ANO4: variants seen among roughly 807,000 people sequenced by gnomAD.
The protein encoded by ANO4 is anoctamin-4.
A neutral mutation model predicts 141.9 loss-of-function variants in ANO4; 69 were observed. That is an observed-to-expected ratio of 0.49 (90% CI 0.40 to 0.59). ANO4 has a LOEUF of 0.59. ANO4 is among the 20% of genes least tolerant of loss of function. The pLI is 0.00. For missense variants in ANO4, 894 were observed against 1,162.2 expected, an observed-to-expected ratio of 0.77 and a Z score of 3.36; for synonymous variants, 350 against 394.3, an observed-to-expected ratio of 0.89 and a Z score of 1.33.
rs991941060 is a variant in ANO4 at position 100,971,478 on chromosome 12, A to G, written c.557+72A>G. 6.3e-6 allele frequency: 7 copies of G among 1,116,006 alleles called. No individual in the cohort carries two copies. The Admixed American group carries it at 1.0e-4, about 16-fold the overall frequency. The allele number at this position is 1,116,006 out of a possible 1,614,324, so 69.1% of individuals were successfully genotyped here. On this transcript the variant is annotated intron_variant, in intron 6 of 27. Transcript: ENST00000392977. ...AAATCTAATGTTCTCCTCTCTCAGA[A>G]CAAATAAAACTGAAATGCAGATTGG...
At position 101,120,753 on chromosome 12, in the gene ANO4, T is replaced by C. The variant is rs2051053721; in HGVS notation, c.2676+128T>C. 1.0e-5 allele frequency: 7 copies of C among 683,732 alleles called. No homozygotes were observed. In the African/African-American group the frequency reaches 1.1e-4, roughly 11 times the overall value. The allele number at this position is 683,732 out of a possible 1,614,324, so 42.4% of individuals were successfully genotyped here. On this transcript the variant is annotated intron_variant, in intron 26 of 27. Transcript: ENST00000392977. ...ATTTCCAGAAGTAGTAGTGTCATAT[T>C]ATGTAACCTCTTTTTGATCTTTTTT...
At chr12:100,787,217 T>G (rs553028752) in intron 3 of ANO4, among the ~76,000 whole-genome samples, 75 of 132,216 alleles carry the variant, frequency 5.7e-4, no homozygotes, top group African/African-American at 1.8e-3. Flanking sequence ...ATTGGGGACA[T>G]GCAGATGGAC....
intron 5 of ANO4, among the ~76,000 whole-genome samples, chr12:100,967,936 T>C (rs1250467230): frequency 6.6e-6 from 1 of 152,200 alleles, no homozygotes; most frequent in Non-Finnish European, 1.5e-5. Flanking sequence ...GAATCAGCTC[T>C]GTCTGGGGTA....
chr12:100,882,197 T>G (rs2039604644), intron 1 of ANO4, among the ~76,000 whole-genome samples: 1 of 152,234 alleles, frequency 6.6e-6, no homozygotes, highest in South Asian at 2.1e-4. Context: ...ATGTTACTAT[T>G]AATCTCATAA....
chr12:101,011,510 A>G lies in ANO4; in HGVS notation c.735-8524A>G, dbSNP rs186266295. On this transcript the variant is annotated intron_variant, in intron 8 of 27. Coordinates refer to ENST00000392977, the MANE Select transcript of ANO4 (RefSeq NM_001286615.2). ...GAGTTGAGGATGAAAACCCTTGGCT[A>G]CAACTCCTCAGGTGTACACTCTTTG... Among the ~76,000 whole-genome samples, 200 of 152,194 alleles carry G rather than the reference A, an allele frequency of 1.3e-3. 1 individual carries two copies. The highest frequency in any genetic ancestry group is 4.4e-3 in the African/African-American group (181 of 41,522).
At chr12:100,944,428 A>G (rs76123729) in intron 5 of ANO4, among the ~76,000 whole-genome samples, 2,032 of 152,328 alleles carry the variant, frequency 0.013, 50 homozygotes, top group African/African-American at 0.047. Context: ...AAAAATAGCA[A>G]TTGGAAAAAG....
chr12:100,986,810 A>G (rs988869473), intron 7 of ANO4, among the ~76,000 whole-genome samples: 5 of 152,152 alleles, frequency 3.3e-5, no homozygotes, highest in Non-Finnish European at 7.4e-5. Flanking sequence ...AGATGTTTTC[A>G]TCAGCAGAAG....
At chr12:101,051,587 G>T (rs940855627) in intron 14 of ANO4, among the ~76,000 whole-genome samples, 4 of 152,176 alleles carry the variant, frequency 2.6e-5, no homozygotes, top group Non-Finnish European at 5.9e-5. Context: ...TATATTAATA[G>T]CATTCATTTC....
At chr12:100,875,471 G>A (rs544923603) in intron 1 of ANO4, among the ~76,000 whole-genome samples, 2 of 152,234 alleles carry the variant, frequency 1.3e-5, no homozygotes, top group African/African-American at 4.8e-5. Context: ...AGGAAAAGAA[G>A]GAACTGGGTT....
chr12:100,924,511 T>G (rs558710728), intron 3 of ANO4, among the ~76,000 whole-genome samples: 3 of 152,254 alleles, frequency 2.0e-5, no homozygotes, highest in Admixed American at 1.3e-4. Context: ...TTAGGCTACT[T>G]TTAAAAGAAA....
In ANO4 at chr12:101,118,192, T is replaced by G. The variant is rs150890286; in HGVS notation, c.2570+1394T>G. Among the ~76,000 whole-genome samples, 279 of 152,318 alleles carry G rather than the reference T, an allele frequency of 1.8e-3. 3 individuals carry two copies. Among genetic ancestry groups the G allele is most frequent in the African/African-American group, 6.1e-3 (254 of 41,570 alleles). ...TTAGACATATACAGGATCCTAAGTA[T>G]GAAATGCTTCAAAATAAAATGCCAA... On this transcript the variant is annotated intron_variant, in intron 25 of 27. Coordinates refer to ENST00000392977, the MANE Select transcript of ANO4 (RefSeq NM_001286615.2).
chr12:101,001,498 A>G (rs543212228), intron 8 of ANO4, among the ~76,000 whole-genome samples: 1 of 152,316 alleles, frequency 6.6e-6, no homozygotes, highest in Non-Finnish European at 1.5e-5. Flanking sequence ...AAACTCAGAA[A>G]CATTAAATAC....
At chr12:100,798,516 A>G (rs1432094692) in intron 1 of ANO4, among the ~76,000 whole-genome samples, 1 of 152,200 alleles carries the variant, frequency 6.6e-6, no homozygotes, top group African/African-American at 2.4e-5. Context: ...TGAATACTGT[A>G]TTTTTGATCT....
chr12:101,070,564 TA>T (rs936986588), intron 14 of ANO4, among the ~76,000 whole-genome samples: 1 of 151,678 alleles, frequency 6.6e-6, no homozygotes, highest in African/African-American at 2.4e-5. Flanking sequence ...ATGAAACTAC[TA>T]AAAAAAAGCA....
intron 2 of ANO4, among the ~76,000 whole-genome samples, chr12:100,905,564 C>A (rs1264260315): frequency 6.6e-6 from 1 of 152,002 alleles, no homozygotes; most frequent in African/African-American, 2.4e-5. Context: ...TTGATAAGAG[C>A]CGTTTTAGTG....
intron 3 of ANO4, among the ~76,000 whole-genome samples, chr12:100,939,007 C>A (rs985371732): frequency 6.6e-6 from 1 of 152,144 alleles, no homozygotes; most frequent in African/African-American, 2.4e-5. Context: ...TACCTTATGC[C>A]AAACAACTAT....
At chr12:100,748,940 G>A (rs891571650) in intron 3 of ANO4, among the ~76,000 whole-genome samples, 1 of 152,140 alleles carries the variant, frequency 6.6e-6, no homozygotes, top group Non-Finnish European at 1.5e-5. Context: ...TATGGAGTGT[G>A]AATATGAGGG....
At chr12:100,861,443 T>C (rs982368011) in intron 1 of ANO4, among the ~76,000 whole-genome samples, 2 of 152,146 alleles carry the variant, frequency 1.3e-5, no homozygotes, top group Admixed American at 1.3e-4. Flanking sequence ...TATCTAAACA[T>C]ATCTAAACAT....
At chr12:100,939,227 A>T (rs1397385373) in intron 3 of ANO4, 88 bp from the exon 4 acceptor site, 15 of 1,319,252 alleles carry the variant, frequency 1.1e-5, no homozygotes, top group African/African-American at 1.5e-5. Context: ...AGAAAATATG[A>T]ACCCAAAGGG....
Sources: gnomAD v4.1 joint callset for allele counts (sites outside exome capture counted in the v4.1 genomes callset) on GRCh38, gnomAD v4.1.1 for gene constraint, MANE v1.5 for transcripts, NCBI Gene and HGNC (gene_info 2026-07-23, HGNC 2026-07-21) for gene names.